The following CENPW variants were observed in gnomAD, a reference collection of about 807,000 sequenced individuals.
CENPW encodes the protein centromere protein W.
Under a neutral mutation model 11.1 loss-of-function variants are expected in CENPW, and 3 were observed. The ratio of observed to expected loss-of-function variants is 0.27; its 90% confidence interval spans 0.12 to 0.70. The LOEUF is 0.70. CENPW is among the 30% of genes least tolerant of loss of function. CENPW has a pLI of 0.77. For missense variants in CENPW, 100 were observed against 105.6 expected (o/e 0.95, Z 0.23); for synonymous variants, 38 against 42.0 (o/e 0.91, Z 0.37).
the CENPW span, among the ~76,000 whole-genome samples, chr6:126,440,823 A>C: frequency 6.6e-6 from 1 of 151,520 alleles, no homozygotes; most frequent in Middle Eastern, 3.2e-3. Flanking sequence ...GAAGCCTAGA[A>C]GGATGATGAA....
the CENPW span, among the ~76,000 whole-genome samples, chr6:126,431,994 G>A: frequency 6.7e-6 from 1 of 149,512 alleles, no homozygotes; most frequent in African/African-American, 2.5e-5. Flanking sequence ...GAACCCAGAA[G>A]GTGGAGGTTG....
the CENPW span, among the ~76,000 whole-genome samples, chr6:126,442,235 G>C: frequency 2.0e-5 from 3 of 151,464 alleles, no homozygotes; most frequent in Non-Finnish European, 4.4e-5. Context: ...ATGTTTGTTG[G>C]CCATTTGTAT....
downstream of CENPW, among the ~76,000 whole-genome samples, chr6:126,350,349 T>G (rs1229182541): frequency 6.6e-6 from 1 of 151,910 alleles, no homozygotes; most frequent in Non-Finnish European, 1.5e-5. Context: ...GCCAGCACAG[T>G]CAGGTTCTGG....
chr6:126,408,933 TC>T, the CENPW span, among the ~76,000 whole-genome samples: 3 of 152,142 alleles, frequency 2.0e-5, no homozygotes, highest in African/African-American at 7.2e-5. Flanking sequence ...ATTTTCTTGA[TC>T]TTTTTTTTAG....
the CENPW span, among the ~76,000 whole-genome samples, chr6:126,463,282 T>C: frequency 6.6e-6 from 1 of 152,036 alleles, no homozygotes; most frequent in African/African-American, 2.4e-5. Context: ...AAGCTGTCTA[T>C]AAATTATGAA....
At chr6:126,389,899 A>G in the CENPW span, among the ~76,000 whole-genome samples, 1 of 151,926 alleles carries the variant, frequency 6.6e-6, no homozygotes, top group African/African-American at 2.4e-5. Flanking sequence ...AATTCATTTC[A>G]CTCTGCTACA....
chr6:126,362,076 A>G, the CENPW span, among the ~76,000 whole-genome samples: 1 of 152,160 alleles, frequency 6.6e-6, no homozygotes, highest in Admixed American at 6.5e-5. Flanking sequence ...GAGTGGGTCG[A>G]CAGGGGCCCT....
the CENPW span, among the ~76,000 whole-genome samples, chr6:126,462,560 G>A: frequency 3.1e-4 from 41 of 130,252 alleles, no homozygotes; most frequent in South Asian, 7.5e-4. Flanking sequence ...ACACACACAC[G>A]CATCTTCTCT....
the CENPW span, among the ~76,000 whole-genome samples, chr6:126,425,820 G>T: frequency 6.6e-6 from 1 of 150,534 alleles, no homozygotes. Context: ...AAACCCTCAA[G>T]TTTTGTTTTG....
chr6:126,475,079 T>A, the CENPW span, among the ~76,000 whole-genome samples: 1 of 152,182 alleles, frequency 6.6e-6, no homozygotes, highest in African/African-American at 2.4e-5. Context: ...TTAAATATTC[T>A]GAATTTAAAG....
chr6:126,408,132 T>C, the CENPW span, among the ~76,000 whole-genome samples: 1 of 152,138 alleles, frequency 6.6e-6, no homozygotes, highest in South Asian at 2.1e-4. Context: ...GGTAGCCATA[T>C]GCATAAAGTT....
chr6:126,469,469 G>T, the CENPW span, among the ~76,000 whole-genome samples: 3 of 152,194 alleles, frequency 2.0e-5, no homozygotes, highest in Non-Finnish European at 2.9e-5. Context: ...CTTTATAGCA[G>T]TGTGAAAACA....
the CENPW span, among the ~76,000 whole-genome samples, chr6:126,468,335 G>T: frequency 1.4e-5 from 2 of 140,262 alleles, no homozygotes; most frequent in Non-Finnish European, 3.0e-5. Context: ...CCGGAGAATC[G>T]CTTGAACCCA....
At chr6:126,380,153 G>A in the CENPW span, among the ~76,000 whole-genome samples, 2 of 152,170 alleles carry the variant, frequency 1.3e-5, no homozygotes, top group African/African-American at 4.8e-5. Flanking sequence ...ATTTAAGCTC[G>A]GGAGCAGAAG....
the CENPW span, among the ~76,000 whole-genome samples, chr6:126,390,245 G>C: frequency 6.6e-6 from 1 of 151,738 alleles, no homozygotes; most frequent in Non-Finnish European, 1.5e-5. Flanking sequence ...TTGCTAACTG[G>C]TCTCCCCATA....
the CENPW span, among the ~76,000 whole-genome samples, chr6:126,452,123 C>T: frequency 6.6e-6 from 1 of 151,084 alleles, no homozygotes; most frequent in Non-Finnish European, 1.5e-5. Context: ...CCTAAACTTA[C>T]CCAAATTGAT....
the CENPW span, among the ~76,000 whole-genome samples, chr6:126,416,069 C>T: frequency 6.6e-6 from 1 of 152,194 alleles, no homozygotes; most frequent in Non-Finnish European, 1.5e-5. Context: ...AATGGTTTGA[C>T]CAATATGCTG....
the CENPW span, among the ~76,000 whole-genome samples, chr6:126,464,466 A>T: frequency 6.6e-6 from 1 of 152,132 alleles, no homozygotes; most frequent in Non-Finnish European, 1.5e-5. Flanking sequence ...CCCACCCTCA[A>T]TCTGGGTGGG....
At chr6:126,417,646 CT>C in the CENPW span, among the ~76,000 whole-genome samples, 1 of 152,160 alleles carries the variant, frequency 6.6e-6, no homozygotes, top group African/African-American at 2.4e-5. Context: ...TGCACAAGCT[CT>C]CTCTTTGCCT....
Sources: allele counts gnomAD v4.1 joint callset (sites outside exome capture counted in the v4.1 genomes callset), GRCh38; gene constraint gnomAD v4.1.1; transcripts MANE v1.5; gene names NCBI Gene and HGNC (gene_info 2026-07-23, HGNC 2026-07-21).